The following HPSE2 variants were observed in gnomAD, a reference collection of about 807,000 sequenced individuals.
HPSE2 encodes inactive heparanase-2.
A neutral mutation model predicts 60.5 loss-of-function variants in HPSE2; 38 were observed. That is an observed-to-expected ratio of 0.63 (90% confidence interval 0.48 to 0.82). HPSE2 has a LOEUF of 0.82. HPSE2 is among the 40% of genes least tolerant of loss of function. The pLI, the probability that HPSE2 is intolerant of heterozygous loss-of-function variation, is 0.00. For synonymous variants in HPSE2, 295 were observed against 293.2 expected (o/e 1.01, Z -0.06); for missense variants, 713 against 740.4 (o/e 0.96, Z 0.43).
At chr10:98,651,468 G>C (rs1029418539) in intron 6 of HPSE2, among the ~76,000 whole-genome samples, 2 of 152,048 alleles carry the variant, frequency 1.3e-5, no homozygotes, top group Non-Finnish European at 2.9e-5. Context: ...ATAATTCTAA[G>C]GTAAAATTTC....
chr10:98,592,229 A>G (rs1298382746), intron 9 of HPSE2, among the ~76,000 whole-genome samples: 2 of 152,234 alleles, frequency 1.3e-5, no homozygotes, highest in African/African-American at 4.8e-5. Context: ...ATATAACCAA[A>G]GTGAAGACCT....
chr10:99,187,953 T>G (rs1848088547), intron 2 of HPSE2, among the ~76,000 whole-genome samples: 1 of 152,236 alleles, frequency 6.6e-6, no homozygotes, highest in Non-Finnish European at 1.5e-5. Context: ...GCAGTTTTAT[T>G]CATAATACCC....
intron 3 of HPSE2, among the ~76,000 whole-genome samples, chr10:99,116,560 C>T (rs1027313705): frequency 3.3e-5 from 5 of 152,094 alleles, no homozygotes; most frequent in African/African-American, 1.2e-4. Flanking sequence ...GTTGAAAAGT[C>T]ACAGCTAAGA....
intron 9 of HPSE2, among the ~76,000 whole-genome samples, chr10:98,524,226 C>T (rs73337816): frequency 0.011 from 1,644 of 152,296 alleles, 32 homozygotes; most frequent in African/African-American, 0.037. Context: ...ATGGGACACG[C>T]GCATGAGTTG....
chr10:98,627,576 A>G (rs1357181000), intron 7 of HPSE2, among the ~76,000 whole-genome samples: 2 of 152,178 alleles, frequency 1.3e-5, no homozygotes, highest in Admixed American at 1.3e-4. Flanking sequence ...TTCTGGTTCT[A>G]TTATTTACTT....
rs766726702 is a variant in HPSE2, at chr10:99,235,735, G to A, written c.68C>T (p.Ala23Val). The A allele has an allele frequency of 8.7e-6, 14 of 1,613,814 alleles. No homozygotes were observed. Among genetic ancestry groups the A allele is most frequent in the Non-Finnish European group, 9.3e-6 (11 of 1,179,910 alleles). ...CAGAGCCAAGTAGAGAGCCCCCGGGGCTAGGCACGCGGGGGGGCGGGAGTT... is the reference window on the plus strand; with the variant it reads ...CAGAGCCAAGTAGAGAGCCCCCGGGACTAGGCACGCGGGGGGGCGGGAGTT... ...SSNSRPPACL[A>V]PGALYLALLL... is the part of the protein sequence containing the mutation. The change falls in exon 1 of 12, where the codon GCC becomes GTC. Residue 23 changes from alanine to valine, a missense_variant. By Grantham distance (64) the Ala-to-Val change is moderately conservative (BLOSUM62 0). Transcript: ENST00000370552.
chr10:98,918,580 C>CA (rs1392746438), intron 3 of HPSE2, among the ~76,000 whole-genome samples: 3 of 146,296 alleles, frequency 2.1e-5, no homozygotes, highest in Non-Finnish European at 3.0e-5. Context: ...ATCGCAAGGA[C>CA]AAAAAACCAA....
At chr10:98,820,045 T>C (rs1356931856) in intron 3 of HPSE2, among the ~76,000 whole-genome samples, 2 of 152,170 alleles carry the variant, frequency 1.3e-5, no homozygotes, top group Non-Finnish European at 2.9e-5. Context: ...TATTACTTTT[T>C]TAAAAAAAGC....
At chr10:98,492,218 ATAT>A (rs1156600043) in intron 9 of HPSE2, among the ~76,000 whole-genome samples, 2 of 152,188 alleles carry the variant, frequency 1.3e-5, no homozygotes, top group Admixed American at 1.3e-4. Context: ...GAAAAAAGAG[ATAT>A]TATGTTTACG....
chr10:98,709,190 G>A (rs1198463514), intron 5 of HPSE2, among the ~76,000 whole-genome samples: 1 of 152,126 alleles, frequency 6.6e-6, no homozygotes, highest in Non-Finnish European at 1.5e-5. Flanking sequence ...CTTCAACACA[G>A]CTGCAAAATG....
At chr10:99,304,585 T>G in the HPSE2 span, among the ~76,000 whole-genome samples, 1 of 152,230 alleles carries the variant, frequency 6.6e-6, no homozygotes, top group East Asian at 1.9e-4. Flanking sequence ...AATCATACGT[T>G]TAAAGGTATC....
the HPSE2 span, among the ~76,000 whole-genome samples, chr10:99,283,165 G>A: frequency 4.1e-5 from 6 of 145,344 alleles, no homozygotes; most frequent in East Asian, 4.0e-4. Context: ...CAGCCTGGGC[G>A]ACAGAGTAAG....
At chr10:99,179,806 C>A (rs1847686240) in intron 2 of HPSE2, among the ~76,000 whole-genome samples, 1 of 151,162 alleles carries the variant, frequency 6.6e-6, no homozygotes, top group Non-Finnish European at 1.5e-5. Flanking sequence ...ATAGCCAAGA[C>A]AATCCTAAGC....
At chr10:98,619,904 T>C (rs527834837) in intron 8 of HPSE2, among the ~76,000 whole-genome samples, 4 of 152,348 alleles carry the variant, frequency 2.6e-5, no homozygotes, top group Non-Finnish European at 5.9e-5. Flanking sequence ...GGTGGTCTAC[T>C]GCAGTGGTAA....
At chr10:98,775,601 AG>A in intron 3 of HPSE2, among the ~76,000 whole-genome samples, 1 of 152,332 alleles carries the variant, frequency 6.6e-6, no homozygotes, top group South Asian at 2.1e-4. Context: ...GCACTGTACT[AG>A]GAACTACTGC....
At chr10:98,940,446 T>C (rs1166715013) in intron 3 of HPSE2, among the ~76,000 whole-genome samples, 255 of 138,070 alleles carry the variant, frequency 1.8e-3, no homozygotes, top group African/African-American at 4.7e-3. Context: ...CAGAGAATAC[T>C]ACAAACACCT....
At chr10:98,499,018 C>T (rs977431048) in intron 9 of HPSE2, among the ~76,000 whole-genome samples, 3 of 152,038 alleles carry the variant, frequency 2.0e-5, no homozygotes, top group African/African-American at 7.2e-5. Context: ...AATGATGAAA[C>T]CTAAGAATAA....
the HPSE2 span, among the ~76,000 whole-genome samples, chr10:99,264,550 C>A: frequency 3.3e-5 from 5 of 152,256 alleles, no homozygotes; most frequent in Non-Finnish European, 5.9e-5. Context: ...TCTGGCCTGG[C>A]ATATGACAAC....
intron 3 of HPSE2, among the ~76,000 whole-genome samples, chr10:98,823,169 C>T (rs1025957945): frequency 2.6e-5 from 4 of 152,176 alleles, no homozygotes; most frequent in Non-Finnish European, 5.9e-5. Flanking sequence ...GAAACAGATT[C>T]TCTCTTGGAA....
Sources: gnomAD v4.1 joint callset for allele counts (sites outside exome capture counted in the v4.1 genomes callset) on GRCh38, gnomAD v4.1.1 for gene constraint, MANE v1.5 for transcripts, NCBI Gene and HGNC (gene_info 2026-07-23, HGNC 2026-07-21) for gene names.